NRXN3: variants seen among roughly 807,000 people sequenced by gnomAD.
The protein encoded by NRXN3 is neurexin III.
A neutral mutation model predicts 137.6 loss-of-function variants in NRXN3; 32 were observed. The observed-to-expected ratio is 0.23, with a 90% CI of 0.18 to 0.31. NRXN3 has a LOEUF of 0.31. NRXN3 is among the 10% of genes least tolerant of loss of function. NRXN3 has a pLI of 1.00. For missense variants in NRXN3, 1,574 were observed against 2,062.5 expected (o/e 0.76, Z 4.59); for synonymous variants, 798 against 784.5 (o/e 1.02, Z -0.29).
intron 15 of NRXN3, among the ~76,000 whole-genome samples, chr14:79,236,904 C>T (rs965146461): frequency 1.3e-5 from 2 of 151,950 alleles, no homozygotes; most frequent in African/African-American, 2.4e-5. Flanking sequence ...TAGAGTAAGA[C>T]CCTCTCTAAA....
intron 15 of NRXN3, among the ~76,000 whole-genome samples, chr14:79,275,339 GA>G (rs35009622): frequency 0.014 from 2,103 of 152,108 alleles, 34 homozygotes; most frequent in South Asian, 0.078. Context: ...GGTCTTCACC[GA>G]AAAAGCTTAG....
chr14:79,676,797 C>G (rs2098643198), intron 17 of NRXN3, among the ~76,000 whole-genome samples: 1 of 152,002 alleles, frequency 6.6e-6, no homozygotes, highest in South Asian at 2.1e-4. Context: ...ACCCCCTTCA[C>G]AGTTTGCTGA....
At chr14:78,728,308 T>C (rs1201946439) in intron 8 of NRXN3, among the ~76,000 whole-genome samples, 1 of 152,244 alleles carries the variant, frequency 6.6e-6, no homozygotes, top group Non-Finnish European at 1.5e-5. Context: ...TAGCAACTTA[T>C]GGTCTGGAAA....
At chr14:79,619,340 C>T (rs2098196288) in intron 16 of NRXN3, among the ~76,000 whole-genome samples, 2 of 151,998 alleles carry the variant, frequency 1.3e-5, no homozygotes, top group African/African-American at 4.8e-5. Context: ...ATTTTTAGGT[C>T]TCACATTTAA....
At chr14:79,045,812 C>T (rs1168923518) in intron 15 of NRXN3, among the ~76,000 whole-genome samples, 1 of 152,148 alleles carries the variant, frequency 6.6e-6, no homozygotes, top group Admixed American at 6.5e-5. Context: ...ATTGATAATG[C>T]CTCGGGACCA....
chr14:78,399,404 TC>T (rs2091831160), intron 4 of NRXN3, among the ~76,000 whole-genome samples: 2 of 152,228 alleles, frequency 1.3e-5, no homozygotes, highest in Non-Finnish European at 2.9e-5. Flanking sequence ...TGCACTTGTT[TC>T]AAAAACACCA....
At chr14:78,485,314 G>T (rs1318410965) in intron 4 of NRXN3, among the ~76,000 whole-genome samples, 1 of 152,178 alleles carries the variant, frequency 6.6e-6, no homozygotes, top group Non-Finnish European at 1.5e-5. Context: ...AAAATAAGTT[G>T]CTCCCTTTCC....
chr14:78,397,189 C>T (rs1205553971), intron 4 of NRXN3, among the ~76,000 whole-genome samples: 2 of 152,172 alleles, frequency 1.3e-5, no homozygotes, highest in East Asian at 3.8e-4. Context: ...CTTCTTGAGT[C>T]ATTTAGTTTG....
chr14:79,463,016 A>C (rs189570629), intron 15 of NRXN3, among the ~76,000 whole-genome samples: 22 of 152,272 alleles, frequency 1.4e-4, no homozygotes, highest in Admixed American at 3.3e-4. Context: ...CTATTTGGCT[A>C]TAAGACTGGA....
At chr14:79,580,505 C>G (rs2097704998) in intron 16 of NRXN3, among the ~76,000 whole-genome samples, 3 of 150,714 alleles carry the variant, frequency 2.0e-5, no homozygotes. Context: ...CCTTTTCTTG[C>G]CTAGGGTAGG....
intron 7 of NRXN3, among the ~76,000 whole-genome samples, chr14:78,710,781 C>T (rs1863030): frequency 0.11 from 17,422 of 152,104 alleles, 1,164 homozygotes; most frequent in African/African-American, 0.18. Flanking sequence ...GCAATATTGC[C>T]CTTAGGAAGA....
intron 15 of NRXN3, among the ~76,000 whole-genome samples, chr14:79,036,886 T>C (rs2099617015): frequency 6.6e-6 from 1 of 152,010 alleles, no homozygotes; most frequent in African/African-American, 2.4e-5. Context: ...AATTTCGATG[T>C]ACCTTATAAA....
intron 16 of NRXN3, among the ~76,000 whole-genome samples, chr14:79,593,154 CTG>C (rs2097823913): frequency 6.6e-6 from 1 of 152,036 alleles, no homozygotes; most frequent in South Asian, 2.1e-4. Flanking sequence ...AAACTGTTCA[CTG>C]TGAGAAAACT....
intron 6 of NRXN3, among the ~76,000 whole-genome samples, chr14:78,668,901 T>C (rs957083635): frequency 6.6e-6 from 1 of 151,814 alleles, no homozygotes; most frequent in Non-Finnish European, 1.5e-5. Flanking sequence ...TTGATAATTA[T>C]AATGCAACAT....
intron 4 of NRXN3, among the ~76,000 whole-genome samples, chr14:78,427,923 C>T (rs371457714): frequency 6.6e-6 from 1 of 152,198 alleles, no homozygotes; most frequent in East Asian, 1.9e-4. Flanking sequence ...GGGGATGTTA[C>T]CAATTCTTTA....
intron 6 of NRXN3, among the ~76,000 whole-genome samples, chr14:78,668,904 T>C (rs1297247566): frequency 6.7e-6 from 1 of 149,166 alleles, no homozygotes; most frequent in Non-Finnish European, 1.5e-5. Flanking sequence ...ATAATTATAA[T>C]GCAACATATT....
At chr14:78,432,864 A>G (rs976293179) in intron 4 of NRXN3, among the ~76,000 whole-genome samples, 1 of 152,240 alleles carries the variant, frequency 6.6e-6, no homozygotes, top group Non-Finnish European at 1.5e-5. Context: ...GACTAAGAAC[A>G]CAGACTTCAC....
Position 78,651,282 on chromosome 14 carries a change from C to T in NRXN3, c.1177C>T (p.Pro393Ser), listed in dbSNP as rs766504545. The change falls in exon 6 of 21, where the codon CCT (proline) becomes TCT (serine). Residue 393 changes from proline (P) to serine (S), a missense_variant. This residue lies in a region of NRXN3 where 400 missense variants were observed against 527.3 expected (regional missense o/e 0.76). Coordinates refer to ENST00000335750, the MANE Select transcript of NRXN3 (RefSeq NM_001330195.2). ...VGGSPSTADL[P>S]GSPVSNNFMG... ...AGGAAGCCCAAGTACCGCTGACTTG[C>T]CTGGCTCCCCTGTCAGCAACAACTT... The T allele has an allele frequency of 5.0e-6, 8 of 1,614,080 alleles. No individual in the cohort carries two copies. Among genetic ancestry groups the T allele is most frequent in the Non-Finnish European group, 5.1e-6 (6 of 1,179,960 alleles).
At chr14:78,431,598 C>T (rs764243768) in intron 4 of NRXN3, among the ~76,000 whole-genome samples, 8 of 151,810 alleles carry the variant, frequency 5.3e-5, no homozygotes, top group Non-Finnish European at 1.0e-4. Flanking sequence ...AAAGTATGTG[C>T]TTGTGTGTTG....
Sources: gnomAD v4.1 joint callset for allele counts (sites outside exome capture counted in the v4.1 genomes callset) on GRCh38, gnomAD v4.1.1 for gene constraint, gnomAD v4.1.1 regional missense constraint, MANE v1.5 for transcripts, NCBI Gene and HGNC (gene_info 2026-07-23, HGNC 2026-07-21) for gene names.